The following STK3 variants were observed in gnomAD, a reference collection of about 807,000 sequenced individuals.
STK3 encodes the protein serine/threonine kinase 3.
A neutral mutation model predicts 58.0 loss-of-function variants in STK3; 41 were observed. The observed-to-expected ratio is 0.71, with a 90% CI of 0.55 to 0.92. STK3 has a LOEUF of 0.92. Among genes scored for constraint, STK3 ranks in the 40% least tolerant of loss-of-function variants. STK3 has a pLI of 0.00. For missense variants in STK3, 479 were observed against 602.7 expected, an observed-to-expected ratio of 0.79 and a Z score of 2.15; for synonymous variants, 170 against 191.0, an observed-to-expected ratio of 0.89 and a Z score of 0.91.
chr8:98,766,652 T>C (rs970015926), intron 3 of STK3, among the ~76,000 whole-genome samples: 1 of 152,134 alleles, frequency 6.6e-6, no homozygotes, highest in Admixed American at 6.5e-5. Flanking sequence ...CTGGGCTCCT[T>C]TACCCTCGAT....
chr8:98,621,368 AC>A (rs1398667024), intron 6 of STK3, among the ~76,000 whole-genome samples: 4 of 151,960 alleles, frequency 2.6e-5, no homozygotes, highest in African/African-American at 9.7e-5. Context: ...TTTCATTTCT[AC>A]CTTTCCAATC....
chr8:98,427,091 G>C (rs1233397494), intron 3 of STK3: 2 of 150,548 alleles, frequency 1.3e-5, no homozygotes, highest in Non-Finnish European at 3.0e-5. Flanking sequence ...CGGAGAGGGG[G>C]CTCCGGGAGC....
At chr8:98,458,242 G>A (rs1306486785) in intron 10 of STK3, among the ~76,000 whole-genome samples, 2 of 151,952 alleles carry the variant, frequency 1.3e-5, no homozygotes. Context: ...GATAGGAAAT[G>A]CACTGAATCT....
intron 6 of STK3, among the ~76,000 whole-genome samples, chr8:98,698,795 C>T (rs996858097): frequency 1.7e-4 from 26 of 152,076 alleles, no homozygotes; most frequent in Non-Finnish European, 3.4e-4. Flanking sequence ...CTGCCCTTAA[C>T]ATTTTTTCCT....
intron 1 of STK3, among the ~76,000 whole-genome samples, chr8:98,796,748 TAAATC>T (rs1271394099): frequency 2.6e-5 from 4 of 152,088 alleles, no homozygotes; most frequent in Non-Finnish European, 5.9e-5. Flanking sequence ...GTAAGAAACT[TAAATC>T]AAAAAGTAAA....
At chr8:98,892,070 C>G (rs1838220628) in intron 1 of STK3, among the ~76,000 whole-genome samples, 1 of 152,020 alleles carries the variant, frequency 6.6e-6, no homozygotes, top group Admixed American at 6.6e-5. Context: ...AGCACGTACT[C>G]CACCCAAAAA....
At chr8:98,469,787 C>T (rs1021610541) in intron 10 of STK3, among the ~76,000 whole-genome samples, 3 of 152,118 alleles carry the variant, frequency 2.0e-5, no homozygotes, top group Non-Finnish European at 4.4e-5. Flanking sequence ...TAATTATTGA[C>T]CATATGAAAG....
downstream of STK3, among the ~76,000 whole-genome samples, chr8:98,398,041 C>T (rs1264065583): frequency 1.3e-5 from 2 of 152,210 alleles, no homozygotes; most frequent in African/African-American, 4.8e-5. Context: ...GCCTACCAAG[C>T]AAGCTGTGGG....
the STK3 span, among the ~76,000 whole-genome samples, chr8:98,354,880 C>T: frequency 7.7e-4 from 117 of 152,270 alleles, no homozygotes; most frequent in Non-Finnish European, 1.5e-3. Context: ...CAGGTTCAAG[C>T]GATTCTCCTG....
downstream of STK3, among the ~76,000 whole-genome samples, chr8:98,367,554 C>T (rs1817575928): frequency 6.6e-6 from 1 of 152,230 alleles, no homozygotes; most frequent in Non-Finnish European, 1.5e-5. Context: ...CACAGCAAGC[C>T]TGTCTACTGA....
Position 98,781,244 on chromosome 8 carries a change from T to C in STK3, c.27-6425A>G, listed in dbSNP as rs188251241. 8.6e-3 allele frequency among the ~76,000 whole-genome samples: 1,311 copies of C among 152,240 alleles called. 10 individuals are homozygous for C. Among genetic ancestry groups the C allele is most frequent in the African/African-American group, 0.03 (1,235 of 41,518 alleles). ...AAAGAAGAACTCAAAGAGAACCAAG[T>C]AATTTTGCTGAGTTGAAGAAATAGA... On this transcript the variant is annotated intron_variant, in intron 1 of 10. Coordinates refer to ENST00000419617, the MANE Select transcript of STK3 (RefSeq NM_006281.4).
intron 1 of STK3, among the ~76,000 whole-genome samples, chr8:98,799,901 G>A (rs1027481236): frequency 9.9e-5 from 15 of 152,128 alleles, no homozygotes; most frequent in East Asian, 3.8e-4. Flanking sequence ...CAAAACTGCC[G>A]AGGCCTAGAC....
chr8:98,643,996 C>T (rs916207236), intron 6 of STK3, among the ~76,000 whole-genome samples: 1 of 152,084 alleles, frequency 6.6e-6, no homozygotes, highest in Non-Finnish European at 1.5e-5. Context: ...GCATAGGCAA[C>T]AGACAAAGAC....
chr8:98,740,361 A>T (rs1238820591), intron 4 of STK3, among the ~76,000 whole-genome samples: 2 of 152,358 alleles, frequency 1.3e-5, no homozygotes, highest in East Asian at 3.9e-4. Context: ...CGGGTTACCC[A>T]CAAAGGGAAG....
intron 10 of STK3, among the ~76,000 whole-genome samples, chr8:98,461,042 T>C (rs990645127): frequency 2.0e-5 from 3 of 152,246 alleles, no homozygotes; most frequent in South Asian, 2.1e-4. Context: ...CCTGTCTTCA[T>C]TGACTTTCTG....
intron 1 of STK3, among the ~76,000 whole-genome samples, chr8:98,822,231 A>G (rs772517102): frequency 7.9e-5 from 12 of 152,226 alleles, no homozygotes; most frequent in Non-Finnish European, 1.2e-4. Context: ...ATTTTTATTA[A>G]TATTTCTTAA....
chr8:98,697,730 T>C (rs559278258), intron 6 of STK3, among the ~76,000 whole-genome samples: 1 of 152,336 alleles, frequency 6.6e-6, no homozygotes, highest in African/African-American at 2.4e-5. Context: ...AGACAGTTTG[T>C]TATAATTTCT....
At chr8:98,438,203 T>TTGTGTGTGCGTG in intron 1 of STK3, 1 of 152,286 alleles carries the variant, frequency 6.6e-6, no homozygotes, top group Admixed American at 6.5e-5. Context: ...GTGTGTATGT[T>TTGTGTGTGCGTG]TGTGTGTGCG....
chr8:98,630,765 CAAG>C (rs368786086), intron 6 of STK3, among the ~76,000 whole-genome samples: 133 of 141,804 alleles, frequency 9.4e-4, no homozygotes, highest in African/African-American at 3.2e-3. Context: ...AGGAGAAGAA[CAAG>C]AAGAAGAAGA....
Sources: gnomAD v4.1 joint callset for allele counts (sites outside exome capture counted in the v4.1 genomes callset) on GRCh38, gnomAD v4.1.1 for gene constraint, MANE v1.5 for transcripts, NCBI Gene and HGNC (gene_info 2026-07-23, HGNC 2026-07-21) for gene names.